The following AGMO variants were observed in gnomAD, a reference collection of about 807,000 sequenced individuals.
AGMO encodes the protein glyceryl-ether monooxygenase.
In AGMO, 75 loss-of-function variants were observed where a neutral mutation model predicts 60.2. The observed-to-expected ratio is 1.25, with a 90% CI of 1.03 to 1.51. The LOEUF (loss-of-function observed/expected upper bound fraction) is 1.51, where lower values mean the gene tolerates loss of function less well. AGMO is among the 40% of genes most tolerant of loss of function. The probability of loss-of-function intolerance (pLI) is 0.00; values close to 1 mark genes in which losing one functional copy is unlikely to be tolerated. For synonymous variants in AGMO, 261 were observed against 177.1 expected, an observed-to-expected ratio of 1.47 and a Z score of -3.76; for missense variants, 763 against 525.5, an observed-to-expected ratio of 1.45 and a Z score of -4.42.
intron 12 of AGMO, among the ~76,000 whole-genome samples, chr7:15,271,276 G>A (rs771045860): frequency 1.4e-4 from 21 of 152,124 alleles, no homozygotes; most frequent in Non-Finnish European, 3.1e-4. Flanking sequence ...TCATTTTAAC[G>A]ATATTGATTC....
At chr7:15,234,495 T>G (rs1161208784) in intron 12 of AGMO, among the ~76,000 whole-genome samples, 1 of 152,214 alleles carries the variant, frequency 6.6e-6, no homozygotes, top group African/African-American at 2.4e-5. Context: ...ACAAAACAAC[T>G]CTTAATGACA....
chr7:15,412,349 T>C (rs1189885145), intron 5 of AGMO, among the ~76,000 whole-genome samples: 5 of 152,018 alleles, frequency 3.3e-5, no homozygotes, highest in Non-Finnish European at 7.4e-5. Context: ...CATCACTGAA[T>C]GGGCAGTGTA....
chr7:15,298,630 G>T (rs982913513), intron 12 of AGMO, among the ~76,000 whole-genome samples: 1 of 151,968 alleles, frequency 6.6e-6, no homozygotes, highest in African/African-American at 2.4e-5. Context: ...TTGAACCCCT[G>T]GGCTTCAACA....
intron 12 of AGMO, among the ~76,000 whole-genome samples, chr7:15,315,374 T>A (rs1351790366): frequency 8.9e-6 from 1 of 112,834 alleles, no homozygotes; most frequent in Non-Finnish European, 1.7e-5. Flanking sequence ...AGTCTCACCC[T>A]GTTGCCAGGC....
At chr7:15,525,482 T>C (rs907594682) in intron 3 of AGMO, among the ~76,000 whole-genome samples, 2 of 152,006 alleles carry the variant, frequency 1.3e-5, no homozygotes, top group African/African-American at 2.4e-5. Context: ...CACAAACCAA[T>C]CAGCATGCAC....
chr7:15,156,572 T>A, the AGMO span, among the ~76,000 whole-genome samples: 1 of 152,206 alleles, frequency 6.6e-6, no homozygotes, highest in Non-Finnish European at 1.5e-5. Context: ...CTGTGGAATC[T>A]CCTGCAGCTA....
At chr7:15,483,621 A>G (rs1450795799) in intron 3 of AGMO, among the ~76,000 whole-genome samples, 2 of 152,106 alleles carry the variant, frequency 1.3e-5, no homozygotes, top group East Asian at 3.9e-4. Flanking sequence ...AATTTCTAGG[A>G]CTAAAACTAG....
the AGMO span, among the ~76,000 whole-genome samples, chr7:15,137,036 T>C: frequency 1.3e-5 from 2 of 152,210 alleles, no homozygotes; most frequent in Non-Finnish European, 2.9e-5. Flanking sequence ...TAAGATTCTC[T>C]GGTTTTGCAT....
chr7:15,280,550 G>A (rs951158811), intron 12 of AGMO, among the ~76,000 whole-genome samples: 3 of 152,166 alleles, frequency 2.0e-5, no homozygotes, highest in African/African-American at 4.8e-5. Context: ...ACTTTTGGCA[G>A]CTCTACGGCC....
rs191275411 is a variant in AGMO at position 15,523,225 on chromosome 7, C to T, written c.409+21547G>A. Among the ~76,000 whole-genome samples, 4 of 152,318 alleles carry T rather than the reference C, an allele frequency of 2.6e-5. No homozygotes were observed. The East Asian group carries it at 7.7e-4, about 29-fold the overall frequency. ...GTGGAGAAATAGGAATGCTTTTACA[C>T]TGTTGGTGGGAGTGTAAATTAGTTC... On this transcript the variant is annotated intron_variant, in intron 3 of 12. Transcript: ENST00000342526.
intron 3 of AGMO, among the ~76,000 whole-genome samples, chr7:15,449,449 T>C (rs1401932688): frequency 6.6e-6 from 1 of 152,124 alleles, no homozygotes; most frequent in Non-Finnish European, 1.5e-5. Flanking sequence ...TCCCATAAGA[T>C]TATAACACCA....
the AGMO span, among the ~76,000 whole-genome samples, chr7:15,158,958 T>C: frequency 6.6e-6 from 1 of 152,158 alleles, no homozygotes; most frequent in Non-Finnish European, 1.5e-5. Context: ...CATGTTGCTA[T>C]TTTTGGGGTT....
chr7:15,366,167 G>C lies in AGMO; in HGVS notation c.1130C>G (p.Thr377Ser), dbSNP rs779381006. Reference sequence around the variant, plus strand: ...TTGATCCAGAAGAAATCCAATGGAAGTCAAGGTCAGGATAATGAAGCAAAC... The same window carrying C: ...TTGATCCAGAAGAAATCCAATGGAACTCAAGGTCAGGATAATGAAGCAAAC... ...LRVCFIILTL[T>S]SIGFLLDQRP... The change falls in exon 11 of 13, where the codon ACT becomes AGT. Residue 377 changes from threonine (T) to serine (S), a missense_variant. By Grantham distance (58) the Thr-to-Ser change is moderately conservative (BLOSUM62 1). Coordinates refer to ENST00000342526, the MANE Select transcript of AGMO (RefSeq NM_001004320.2). The C allele has an allele frequency of 6.2e-7, 1 of 1,608,738 alleles. No homozygotes were observed. The highest frequency in any genetic ancestry group is 1.1e-5 in the South Asian group (1 of 90,216).
At chr7:15,417,207 A>G (rs571126418) in intron 5 of AGMO, among the ~76,000 whole-genome samples, 1 of 152,302 alleles carries the variant, frequency 6.6e-6, no homozygotes, top group East Asian at 1.9e-4. Context: ...AAAGTGTAAC[A>G]CAAGGGGGAG....
chr7:15,275,150 A>C (rs1783742802), intron 12 of AGMO, among the ~76,000 whole-genome samples: 1 of 152,054 alleles, frequency 6.6e-6, no homozygotes, highest in African/African-American at 2.4e-5. Context: ...GTATTAATTT[A>C]AGATACTTCT....
Position 15,398,059 on chromosome 7 carries a change from G to A in AGMO, c.610-3880C>T, listed in dbSNP as rs185961708. Among the ~76,000 whole-genome samples, 417 of 152,294 alleles carry A rather than the reference G, an allele frequency of 2.7e-3. 5 individuals carry two copies. The highest frequency in any genetic ancestry group is 9.6e-3 in the African/African-American group (399 of 41,580). ...GTATCTATGACAGAGAACCAGATGG[G>A]AAAGGAGAAAACCAGTTTACCCTTG... On this transcript the variant is annotated intron_variant, in intron 5 of 12. Coordinates refer to ENST00000342526, the MANE Select transcript of AGMO (RefSeq NM_001004320.2).
chr7:15,243,236 C>G (rs979660013), intron 12 of AGMO, among the ~76,000 whole-genome samples: 3 of 152,030 alleles, frequency 2.0e-5, no homozygotes, highest in African/African-American at 7.2e-5. Context: ...AATCCAAGTT[C>G]TTTATAGAGC....
intron 3 of AGMO, among the ~76,000 whole-genome samples, chr7:15,442,018 T>C (rs982143776): frequency 3.9e-5 from 6 of 152,188 alleles, no homozygotes; most frequent in Non-Finnish European, 8.8e-5. Flanking sequence ...TAGAACGTCA[T>C]AGCAAATGAG....
intron 5 of AGMO, among the ~76,000 whole-genome samples, chr7:15,411,644 T>C (rs891212116): frequency 2.0e-5 from 3 of 151,992 alleles, no homozygotes; most frequent in Admixed American, 2.0e-4. Flanking sequence ...ACAAAATAAA[T>C]ATTTAATTTG....
Sources: allele counts gnomAD v4.1 joint callset (sites outside exome capture counted in the v4.1 genomes callset), GRCh38; gene constraint gnomAD v4.1.1; transcripts MANE v1.5; gene names NCBI Gene and HGNC (gene_info 2026-07-23, HGNC 2026-07-21).